Variants in SH2D6 observed in about 807,000 individuals in gnomAD.
SH2D6 encodes the protein SH2 domain containing 6.
A neutral mutation model predicts 30.2 loss-of-function variants in SH2D6; 31 were observed. That is an observed-to-expected ratio of 1.03 (90% confidence interval 0.77 to 1.38). The LOEUF (loss-of-function observed/expected upper bound fraction) is 1.38, where lower values mean the gene tolerates loss of function less well. Among genes scored for constraint, SH2D6 ranks in the 40% most tolerant of loss-of-function variants. The pLI is 0.00. For missense variants in SH2D6, 240 were observed against 266.8 expected (o/e 0.90, Z 0.70); for synonymous variants, 93 against 104.6 (o/e 0.89, Z 0.68).
In SH2D6 at chr2:85,418,902, C is replaced by T. The variant is rs1573199742; in HGVS notation, c.-821C>T. 1 of 152,440 alleles carries T rather than the reference C, an allele frequency of 6.6e-6. No homozygotes were observed. The highest frequency in any genetic ancestry group is 2.1e-4 in the South Asian group (1 of 4,856). The allele number at this position is 152,440 out of a possible 1,614,324, so 9.4% of individuals were successfully genotyped here. A position where few individuals can be genotyped will look rare whatever the true frequency, so the allele number is the denominator to read the frequency against. On this transcript the variant is annotated 5_prime_UTR_variant, in exon 1 of 24. Coordinates refer to ENST00000469800, the MANE Select transcript of SH2D6 (RefSeq NM_001394463.1). ...GGTCCGAGCCCTCCTTCTCTGCGAACCTGAGCCCCGCCCTGCCCTCCCTAC... is the reference window on the plus strand; with the variant it reads ...GGTCCGAGCCCTCCTTCTCTGCGAATCTGAGCCCCGCCCTGCCCTCCCTAC...
chr2:85,428,656 A>G lies in SH2D6; in HGVS notation c.-136A>G, dbSNP rs958495272. The G allele has an allele frequency of 9.9e-5, 15 of 152,094 alleles. No individual in the cohort carries two copies. Among genetic ancestry groups the G allele is most frequent in the African/African-American group, 3.4e-4 (14 of 41,396 alleles). The allele number at this position is 152,094 out of a possible 1,614,324, so 9.4% of individuals were successfully genotyped here. ...AGAAGAGAGGCCGCATCACAAACCA[A>G]CCTTTATGGCACCTTGATCTTAGAC... On this transcript the variant is annotated 5_prime_UTR_variant, in exon 7 of 24. Transcript: ENST00000469800.
chr2:85,436,661 C>A, intron 23 of SH2D6, 67 bp downstream of exon 23: 1 of 1,148,576 alleles, frequency 8.7e-7, no homozygotes, highest in Non-Finnish European at 1.3e-6. Flanking sequence ...TTCCTCTCTC[C>A]TTCCCCACCC....
At chr2:85,422,165 C>CT (rs200408284) in intron 2 of SH2D6, 38 bp from the exon 3 acceptor site, 8,899 of 148,812 alleles carry the variant, frequency 0.06, 366 homozygotes, top group Middle Eastern at 0.088. Context: ...TTCTTTCTTT[C>CT]TTTTTTTTTT....
At chr2:85,420,512 C>T (rs753065373) in intron 2 of SH2D6, among the ~76,000 whole-genome samples, 7 of 152,348 alleles carry the variant, frequency 4.6e-5, no homozygotes, top group South Asian at 4.1e-4. Context: ...TCAGTAATGA[C>T]CCTTGGGACA....
chr2:85,436,801 C>T (rs905600051), intron 23 of SH2D6, 36 bp from the exon 24 acceptor site: 48 of 528,520 alleles, frequency 9.1e-5, no homozygotes, highest in African/African-American at 8.6e-4. Flanking sequence ...CTCTCTGTTG[C>T]CTCTCCAAGG....
chr2:85,427,828 C>T (rs1032509622), intron 6 of SH2D6, among the ~76,000 whole-genome samples: 2 of 152,118 alleles, frequency 1.3e-5, no homozygotes, highest in African/African-American at 4.8e-5. Context: ...ACCCCAGTGA[C>T]TCTTCTTGGT....
In SH2D6 at chr2:85,435,831, G is replaced by A. The variant is rs981342398; in HGVS notation, c.891+7G>A. 5 of 1,578,458 alleles carry A rather than the reference G, an allele frequency of 3.2e-6. No individual in the cohort carries two copies. In the South Asian group the frequency reaches 5.8e-5, roughly 18 times the overall value. Reference sequence around the variant, plus strand: ...GGGCAGGAACCGTGAGGAGGTGGGAGCTGGAGGAGGCAGGGGCCTAAGGAG... The same window carrying A: ...GGGCAGGAACCGTGAGGAGGTGGGAACTGGAGGAGGCAGGGGCCTAAGGAG... On this transcript the variant is annotated splice_region_variant and intron_variant, in intron 22 of 23. Transcript: ENST00000469800.
Position 85,422,615 on chromosome 2 carries a change from A to G in SH2D6, c.-384A>G, listed in dbSNP as rs1363044648. ...TTCAAGGAGCCATGAGGAGTCACTCAAGGGTTTTAGGCAGAGCCGTGACAC... is the reference window on the plus strand; with the variant it reads ...TTCAAGGAGCCATGAGGAGTCACTCGAGGGTTTTAGGCAGAGCCGTGACAC... On this transcript the variant is annotated 5_prime_UTR_variant, in exon 5 of 24. Coordinates refer to ENST00000469800, the MANE Select transcript of SH2D6 (RefSeq NM_001394463.1). The G allele has an allele frequency of 6.6e-6, 1 of 152,452 alleles. No individual in the cohort carries two copies. The highest frequency in any genetic ancestry group is 1.5e-5 in the Non-Finnish European group (1 of 68,192). The allele number at this position is 152,452 out of a possible 1,614,324, so 9.4% of individuals were successfully genotyped here.
Position 85,435,653 on chromosome 2 carries a change from G to A in SH2D6, c.733-13G>A, listed in dbSNP as rs751699900. On this transcript the variant is annotated splice_polypyrimidine_tract_variant and intron_variant, in intron 21 of 23. Transcript: ENST00000469800. ...TTGGAAGATGAGGTTGATGGCTGGG[G>A]TCTCCTCCACAGGATGGGGCCTATA... 21 of 1,589,722 alleles carry A rather than the reference G, an allele frequency of 1.3e-5. No homozygotes were observed. In the Middle Eastern group the frequency reaches 5.1e-4, roughly 38 times the overall value.
chr2:85,433,797 G>A (rs914061268), intron 16 of SH2D6, among the ~76,000 whole-genome samples, 166 bp downstream of exon 16: 3 of 152,220 alleles, frequency 2.0e-5, no homozygotes, highest in African/African-American at 7.2e-5. Context: ...CCTGCCTGTG[G>A]TCCAGGCTGA....
At chr2:85,423,915 C>T (rs1030874807) in intron 5 of SH2D6, among the ~76,000 whole-genome samples, 1 of 152,256 alleles carries the variant, frequency 6.6e-6, no homozygotes, top group African/African-American at 2.4e-5. Flanking sequence ...TAGGCCCTTC[C>T]ACCAGGAACG....
At chr2:85,433,736 C>T in intron 16 of SH2D6, 105 bp downstream of exon 16, 2 of 863,618 alleles carry the variant, frequency 2.3e-6, no homozygotes, top group Non-Finnish European at 3.1e-6. Context: ...TGCCTCTCAC[C>T]ACCCCCCACC....
At chr2:85,436,765 A>C in intron 23 of SH2D6, 72 bp from the exon 24 acceptor site, 1 of 576,950 alleles carries the variant, frequency 1.7e-6, no homozygotes, top group Non-Finnish European at 3.1e-6. Context: ...ACCCCACCCC[A>C]TGCTCACCTA....
chr2:85,436,639 C>G, intron 23 of SH2D6, 45 bp downstream of exon 23: 1 of 1,421,300 alleles, frequency 7.0e-7, no homozygotes, highest in Non-Finnish European at 9.9e-7. Context: ...TCCCGCCCCA[C>G]CTTGGGCTGT....
intron 2 of SH2D6, among the ~76,000 whole-genome samples, chr2:85,421,151 C>A (rs1449029667): frequency 1.3e-5 from 2 of 152,158 alleles, no homozygotes; most frequent in Non-Finnish European, 2.9e-5. Context: ...CTAAGCAGGG[C>A]CATGTTACAT....
chr2:85,434,973 C>A (rs758200217), intron 19 of SH2D6, 92 bp from the exon 20 acceptor site: 5 of 1,574,984 alleles, frequency 3.2e-6, no homozygotes, highest in Admixed American at 1.8e-5. Context: ...CCTCCTCCTA[C>A]CCCCCACCCC....
intron 14 of SH2D6, among the ~76,000 whole-genome samples, 174 bp downstream of exon 14, chr2:85,432,133 G>A (rs532386739): frequency 3.5e-4 from 53 of 151,908 alleles, no homozygotes; most frequent in East Asian, 9.7e-4. Flanking sequence ...GGCAGGTGGC[G>A]TTGCCTCTAA....
intron 5 of SH2D6, among the ~76,000 whole-genome samples, chr2:85,424,761 C>A (rs1466147579): frequency 2.3e-5 from 3 of 133,058 alleles, no homozygotes; most frequent in African/African-American, 5.7e-5. Context: ...AGGGTGAGAC[C>A]CTGTCTCTAA....
At chr2:85,434,773 C>T in intron 19 of SH2D6, 1 of 1,453,516 alleles carries the variant, frequency 6.9e-7, no homozygotes, top group Non-Finnish European at 9.1e-7. Flanking sequence ...CAGCTGAGAT[C>T]AGGCCTGAGG....
Sources: gnomAD v4.1 joint callset for allele counts (sites outside exome capture counted in the v4.1 genomes callset) on GRCh38, gnomAD v4.1.1 for gene constraint, MANE v1.5 for transcripts, NCBI Gene and HGNC (gene_info 2026-07-23, HGNC 2026-07-21) for gene names.